CFAP161: variants seen among roughly 807,000 people sequenced by gnomAD.
CFAP161 encodes the protein cilia and flagella associated protein 161.
Under a neutral mutation model 29.0 loss-of-function variants are expected in CFAP161, and 25 were observed. That is an observed-to-expected ratio of 0.86 (90% CI 0.63 to 1.20). The LOEUF (loss-of-function observed/expected upper bound fraction) is 1.20. CFAP161 is among the 50% of genes most tolerant of loss of function. The pLI is 0.00. For synonymous variants in CFAP161, 116 were observed against 137.4 expected (o/e 0.84, Z 1.09); for missense variants, 367 against 371.9 (o/e 0.99, Z 0.11).
At chr15:81,112,507 T>G (rs1894450759) in intron 1 of CFAP161, among the ~76,000 whole-genome samples, 1 of 152,182 alleles carries the variant, frequency 6.6e-6, no homozygotes, top group South Asian at 2.1e-4. Flanking sequence ...ATTTTGAGAT[T>G]ACATATAGGT....
intron 4 of CFAP161, among the ~76,000 whole-genome samples, chr15:81,140,050 T>C: frequency 6.6e-6 from 1 of 152,176 alleles, no homozygotes. Flanking sequence ...CTCTCGCTTC[T>C]TTTTTCTTTC....
At chr15:81,100,991 A>G (rs1595906531) in intron 1 of CFAP161, among the ~76,000 whole-genome samples, 2 of 152,182 alleles carry the variant, frequency 1.3e-5, no homozygotes, top group African/African-American at 2.4e-5. Context: ...TGGCTTGAGG[A>G]AGGAGTTTAG....
chr15:81,112,993 G>A (rs1894456312), intron 1 of CFAP161, among the ~76,000 whole-genome samples: 1 of 151,942 alleles, frequency 6.6e-6, no homozygotes, highest in Non-Finnish European at 1.5e-5. Flanking sequence ...AGTTTTTGAG[G>A]AATGTAAATT....
intron 2 of CFAP161, among the ~76,000 whole-genome samples, chr15:81,128,732 A>C (rs1894671996): frequency 6.6e-6 from 1 of 152,148 alleles, no homozygotes; most frequent in Admixed American, 6.5e-5. Flanking sequence ...AGAATGGCAA[A>C]TCCTTTCCAG....
chr15:81,104,634 A>G (rs1054251192), intron 1 of CFAP161, among the ~76,000 whole-genome samples: 9 of 152,224 alleles, frequency 5.9e-5, no homozygotes, highest in Non-Finnish European at 1.2e-4. Flanking sequence ...TATATAAAAG[A>G]ATTCTTTCCA....
At chr15:81,105,133 C>CTT (rs1567149837) in intron 1 of CFAP161, among the ~76,000 whole-genome samples, 1 of 28,384 alleles carries the variant, frequency 3.5e-5, no homozygotes, top group Non-Finnish European at 7.2e-5. Flanking sequence ...ACCTTTCTCC[C>CTT]CCCTCCCCTC....
intron 2 of CFAP161, among the ~76,000 whole-genome samples, chr15:81,128,846 T>C (rs925789970): frequency 2.6e-5 from 4 of 151,868 alleles, no homozygotes; most frequent in Non-Finnish European, 4.4e-5. Context: ...GGTTTATGCC[T>C]GTAATCCCAG....
At chr15:81,127,267 T>A (rs1287452794) in intron 1 of CFAP161, among the ~76,000 whole-genome samples, 1 of 152,116 alleles carries the variant, frequency 6.6e-6, no homozygotes, top group East Asian at 1.9e-4. Context: ...CCATCCAGAG[T>A]GTTTATTTTT....
At chr15:81,121,470 G>A (rs1894571508) in intron 1 of CFAP161, among the ~76,000 whole-genome samples, 1 of 151,704 alleles carries the variant, frequency 6.6e-6, no homozygotes, top group Non-Finnish European at 1.5e-5. Flanking sequence ...TTTCTCAACA[G>A]AGAGCATATT....
intron 1 of CFAP161, among the ~76,000 whole-genome samples, chr15:81,118,575 C>CG (rs968458963): frequency 1.2e-4 from 19 of 152,200 alleles, no homozygotes; most frequent in African/African-American, 4.3e-4. Flanking sequence ...CGCTAGTCCG[C>CG]GGGGGGCTCG....
intron 5 of CFAP161, among the ~76,000 whole-genome samples, 195 bp from the exon 6 acceptor site, chr15:81,147,663 G>A (rs907489714): frequency 2.0e-5 from 3 of 152,028 alleles, no homozygotes; most frequent in Non-Finnish European, 2.9e-5. Context: ...AGGGTCTTAC[G>A]GTCGCATAGG....
intron 1 of CFAP161, among the ~76,000 whole-genome samples, chr15:81,119,757 C>T (rs2141868019): frequency 6.6e-6 from 1 of 152,160 alleles, no homozygotes; most frequent in African/African-American, 2.4e-5. Context: ...AGGTTCAAAA[C>T]AATTGATCAA....
intron 4 of CFAP161, among the ~76,000 whole-genome samples, chr15:81,142,942 A>AGCTG (rs1386350994): frequency 6.6e-6 from 1 of 152,184 alleles, no homozygotes; most frequent in Non-Finnish European, 1.5e-5. Context: ...AATGAATATC[A>AGCTG]GCTGTGAGGA....
intron 1 of CFAP161, among the ~76,000 whole-genome samples, chr15:81,112,548 T>C (rs983816646): frequency 6.6e-6 from 1 of 152,088 alleles, no homozygotes; most frequent in Admixed American, 6.6e-5. Flanking sequence ...GAAAAGCAAG[T>C]GGATAATGAA....
intron 1 of CFAP161, among the ~76,000 whole-genome samples, chr15:81,104,307 C>T (rs1248360752): frequency 1.3e-5 from 2 of 152,228 alleles, no homozygotes; most frequent in Non-Finnish European, 2.9e-5. Context: ...CTTCAGTTTT[C>T]GCCTTCAATT....
At chr15:81,133,932 A>C (rs1378956673), upstream of CFAP161, among the ~76,000 whole-genome samples, 1 of 151,408 alleles carries the variant, frequency 6.6e-6, no homozygotes. Flanking sequence ...TGCTGATTAC[A>C]AAAAATAGGC....
intron 1 of CFAP161, among the ~76,000 whole-genome samples, chr15:81,125,650 T>A (rs1344825042): frequency 6.6e-6 from 1 of 152,190 alleles, no homozygotes; most frequent in Non-Finnish European, 1.5e-5. Context: ...AATGGCTATA[T>A]ACATATTATA....
upstream of CFAP161, among the ~76,000 whole-genome samples, chr15:81,129,998 A>G (rs900504057): frequency 5.3e-5 from 8 of 150,130 alleles, no homozygotes; most frequent in Non-Finnish European, 1.2e-4. Flanking sequence ...GCAGCCACCT[A>G]CATCAATGAT....
At chr15:81,136,840 G>A in intron 3 of CFAP161, 92 bp downstream of exon 3, 2 of 1,039,614 alleles carry the variant, frequency 1.9e-6, no homozygotes, top group Admixed American at 2.5e-5. Flanking sequence ...ACTGAGTGGA[G>A]GGAAAGGTTT....
Sources: gnomAD v4.1 joint callset for allele counts (sites outside exome capture counted in the v4.1 genomes callset) on GRCh38, gnomAD v4.1.1 for gene constraint, MANE v1.5 for transcripts, NCBI Gene and HGNC (gene_info 2026-07-23, HGNC 2026-07-21) for gene names.